NEMP2: variants seen among roughly 807,000 people sequenced by gnomAD.
The protein encoded by NEMP2 is UPF0571 transmembrane protein.
In NEMP2, 53 loss-of-function variants were observed where a neutral mutation model predicts 54.2. The ratio of observed to expected loss-of-function variants is 0.98; its 90% CI spans 0.78 to 1.23. The LOEUF (loss-of-function observed/expected upper bound fraction) is 1.23. Ranked by LOEUF, NEMP2 falls within the 50% of genes most tolerant of loss-of-function variation. The probability of loss-of-function intolerance (pLI) is 0.00; values close to 1 mark genes in which losing one functional copy is unlikely to be tolerated. For synonymous variants in NEMP2, 197 were observed against 190.3 expected (o/e 1.04, Z -0.29); for missense variants, 455 against 511.3 (o/e 0.89, Z 1.06).
In NEMP2 at chr2:190,519,417, C is replaced by A. The variant is rs755385323; in HGVS notation, c.214-234G>T. Among the ~76,000 whole-genome samples, 16 of 152,060 alleles carry A rather than the reference C, an allele frequency of 1.1e-4. No individual in the cohort carries two copies. Among genetic ancestry groups the A allele is most frequent in the Admixed American group, 6.5e-5 (1 of 15,268 alleles). On this transcript the variant is annotated intron_variant, in intron 2 of 8. Coordinates refer to ENST00000409150, the MANE Select transcript of NEMP2 (RefSeq NM_001142645.2). This position sits in a 1 kb window ranked among gnomAD's most constrained non-coding sequence, Gnocchi z 5.4. ...TGTATTTTTTGTAGAGATGAGGTTT[C>A]GCCATGTTTCCCAGGCTGGTCTCGA... is the stretch of plus-strand genomic sequence containing the variant.
chr2:190,648,598 GGGAACCTCAC>G, the NEMP2 span: 4 of 149,796 alleles, frequency 2.7e-5, no homozygotes, highest in African/African-American at 9.8e-5. Flanking sequence ...ATACTATATC[GGGAACCTCAC>G]ACATAATTTT....
At chr2:190,591,978 A>G in the NEMP2 span, among the ~76,000 whole-genome samples, 1 of 152,220 alleles carries the variant, frequency 6.6e-6, no homozygotes, top group African/African-American at 2.4e-5. This position sits in a 1 kb window ranked among gnomAD's most constrained non-coding sequence, Gnocchi z 5.4. Flanking sequence ...AAATGGGAAT[A>G]TGGAGGAGGA....
intron 1 of NEMP2, among the ~76,000 whole-genome samples, chr2:190,532,227 G>A (rs1691169047): frequency 6.6e-6 from 1 of 152,160 alleles, no homozygotes; most frequent in Non-Finnish European, 1.5e-5. Flanking sequence ...TTAACGTGAG[G>A]CACCAAAGTG....
In NEMP2 at chr2:190,530,247, G is replaced by A. The variant is rs1288916114; in HGVS notation, c.97+4312C>T. Among the ~76,000 whole-genome samples, 1 of 152,110 alleles carries A rather than the reference G, an allele frequency of 6.6e-6. No individual in the cohort carries two copies. The highest frequency in any genetic ancestry group is 1.5e-5 in the Non-Finnish European group (1 of 68,014). On this transcript the variant is annotated intron_variant, in intron 1 of 8. Transcript: ENST00000409150. This position sits in a 1 kb window ranked among gnomAD's most constrained non-coding sequence, Gnocchi z 4.6. ...AAAGCATGTTGCAGTGTTTTCCCTC[G>A]AATTCTCCAGAGTGGCCTCTGGCTT...
At chr2:190,554,388 C>T in the NEMP2 span, among the ~76,000 whole-genome samples, 10 of 152,356 alleles carry the variant, frequency 6.6e-5, no homozygotes, top group South Asian at 1.4e-3. This position sits in a 1 kb window ranked among gnomAD's most constrained non-coding sequence, Gnocchi z 5.7. Flanking sequence ...CAGAGCCTAG[C>T]AAGCTAAGAT....
At chr2:190,598,308 G>C in the NEMP2 span, among the ~76,000 whole-genome samples, 1 of 152,160 alleles carries the variant, frequency 6.6e-6, no homozygotes, top group Non-Finnish European at 1.5e-5. Flanking sequence ...GCTTCCTCCA[G>C]AATTCAGATA....
the NEMP2 span, among the ~76,000 whole-genome samples, chr2:190,449,839 G>A: frequency 1.3e-5 from 2 of 151,600 alleles, no homozygotes; most frequent in Non-Finnish European, 2.9e-5. Context: ...ACAGGGAGGG[G>A]AACATCACAC....
chr2:190,646,667 A>G, the NEMP2 span: 1 of 152,268 alleles, frequency 6.6e-6, no homozygotes, highest in Non-Finnish European at 1.5e-5. Context: ...AAATGTGCCC[A>G]GAAAACAAAC....
At chr2:190,444,722 G>C in the NEMP2 span, 1 of 163,776 alleles carries the variant, frequency 6.1e-6, no homozygotes, top group Non-Finnish European at 1.3e-5. Flanking sequence ...ATTTCTACAG[G>C]GGTTAGAATT....
rs1368683267 is a variant in NEMP2 at position 190,513,056 on chromosome 2, C to A, written c.953+1397G>T. On this transcript the variant is annotated intron_variant, in intron 7 of 8. Coordinates refer to ENST00000409150, the MANE Select transcript of NEMP2 (RefSeq NM_001142645.2). This position sits in a 1 kb window ranked among gnomAD's most constrained non-coding sequence, Gnocchi z 5.3. ...ACCCTAGGCCCTCATCAGCTCTCGC[C>A]TGGACCACTGTGATGTCTGATAACT... 6.6e-6 allele frequency among the ~76,000 whole-genome samples: 1 copy of A among 152,192 alleles called. No individual in the cohort carries two copies. Among genetic ancestry groups the A allele is most frequent in the Non-Finnish European group, 1.5e-5 (1 of 68,026 alleles).
chr2:190,442,418 G>T, the NEMP2 span, among the ~76,000 whole-genome samples: 1 of 152,056 alleles, frequency 6.6e-6, no homozygotes, highest in Non-Finnish European at 1.5e-5. Context: ...GAGGCAGTAG[G>T]TAGCCATAGC....
the NEMP2 span, among the ~76,000 whole-genome samples, chr2:190,589,678 T>C: frequency 3.9e-5 from 6 of 152,160 alleles, no homozygotes; most frequent in Non-Finnish European, 5.9e-5. The surrounding 1 kb of genome is among the most constrained non-coding windows in gnomAD (Gnocchi z 4.3). Context: ...TCAACCTCAG[T>C]GTCAGCAACA....
intron 2 of NEMP2, among the ~76,000 whole-genome samples, chr2:190,524,918 T>C (rs1372784499): frequency 6.6e-6 from 1 of 152,238 alleles, no homozygotes; most frequent in Non-Finnish European, 1.5e-5. Context: ...AAGTGGTTAT[T>C]CCAGAATTTC....
chr2:190,627,169 C>T, the NEMP2 span, among the ~76,000 whole-genome samples: 3 of 152,182 alleles, frequency 2.0e-5, no homozygotes, highest in African/African-American at 7.2e-5. This position sits in a 1 kb window ranked among gnomAD's most constrained non-coding sequence, Gnocchi z 4.4. Context: ...TTTTATTTTC[C>T]CGTGTTGTCC....
Position 190,525,346 on chromosome 2 carries a change from A to C in NEMP2, c.130T>G (p.Leu44Val). 2 of 1,549,962 alleles carry C rather than the reference A, an allele frequency of 1.3e-6. No individual in the cohort carries two copies. Among genetic ancestry groups the C allele is most frequent in the Non-Finnish European group, 1.7e-6 (2 of 1,145,786 alleles). ...RRCKALKEKD[L>V]IRTSESDCYC... ...CAGTCTGACTCAGACGTTCTAATTA[A>C]ATCTTTTTCCTTCAAAGCTTTACAC... Residue 44 changes from leucine (L) to valine (V), a missense_variant, in exon 2 of 9, where the codon TTA (leucine) becomes GTA (valine). Leu to Val is a conservative substitution (Grantham distance 32). Transcript: ENST00000409150. This position sits in a 1 kb window ranked among gnomAD's most constrained non-coding sequence, Gnocchi z 5.0.
the NEMP2 span, among the ~76,000 whole-genome samples, chr2:190,582,782 T>C: frequency 6.6e-6 from 1 of 152,200 alleles, no homozygotes; most frequent in Non-Finnish European, 1.5e-5. This position sits in a 1 kb window ranked among gnomAD's most constrained non-coding sequence, Gnocchi z 4.6. Flanking sequence ...GGTCACACAG[T>C]ATGCAAGTTT....
the NEMP2 span, among the ~76,000 whole-genome samples, chr2:190,576,373 T>C: frequency 1.3e-5 from 2 of 152,184 alleles, no homozygotes; most frequent in African/African-American, 4.8e-5. Context: ...AACCGTATGG[T>C]TGGAAACAAT....
the NEMP2 span, among the ~76,000 whole-genome samples, chr2:190,585,376 G>C: frequency 6.6e-6 from 1 of 152,186 alleles, no homozygotes; most frequent in Non-Finnish European, 1.5e-5. This position sits in a 1 kb window ranked among gnomAD's most constrained non-coding sequence, Gnocchi z 5.3. Flanking sequence ...ATTTGAATAT[G>C]TTCTCACTTT....
downstream of NEMP2, among the ~76,000 whole-genome samples, chr2:190,502,671 T>C (rs1010909770): frequency 2.6e-5 from 4 of 152,342 alleles, no homozygotes; most frequent in South Asian, 6.2e-4. The surrounding 1 kb of genome is among the most constrained non-coding windows in gnomAD (Gnocchi z 4.4). Context: ...TTCCCTCTAA[T>C]TGGCAATTCC....
Sources: gnomAD v4.1 joint callset for allele counts (sites outside exome capture counted in the v4.1 genomes callset) on GRCh38, gnomAD v4.1.1 for gene constraint, Gnocchi (gnomAD v3.1) non-coding constraint, MANE v1.5 for transcripts, NCBI Gene and HGNC (gene_info 2026-07-23, HGNC 2026-07-21) for gene names.